Variants in TSNARE1 observed in about 807,000 individuals in gnomAD.
The protein encoded by TSNARE1 is t-SNARE domain-containing protein 1.
TSNARE1 carries 49 observed loss-of-function variants against 62.0 expected under a neutral mutation model. That is an observed-to-expected ratio of 0.79 (90% CI 0.63 to 1.00). The LOEUF (loss-of-function observed/expected upper bound fraction) is 1.00, where lower values mean the gene tolerates loss of function less well. Among genes scored for constraint, TSNARE1 ranks in the 50% least tolerant of loss-of-function variants. TSNARE1 has a pLI of 0.00. For synonymous variants in TSNARE1, 328 were observed against 294.4 expected (o/e 1.11, Z -1.17); for missense variants, 755 against 700.1 (o/e 1.08, Z -0.88).
At chr8:142,311,248 C>T (rs557485474) in intron 9 of TSNARE1, among the ~76,000 whole-genome samples, 200 of 147,304 alleles carry the variant, frequency 1.4e-3, no homozygotes, top group African/African-American at 4.8e-3. Context: ...CTGCAACCTG[C>T]GCCTCCCAGA....
intron 10 of TSNARE1, among the ~76,000 whole-genome samples, chr8:142,288,044 G>A (rs558131133): frequency 4.5e-4 from 68 of 152,382 alleles, no homozygotes; most frequent in African/African-American, 1.6e-3. Flanking sequence ...CATGAGCAGG[G>A]GCAGAGAAAG....
At chr8:142,261,284 A>G in intron 12 of TSNARE1, among the ~76,000 whole-genome samples, 1 of 108,166 alleles carries the variant, frequency 9.2e-6, no homozygotes, top group Non-Finnish European at 1.9e-5. Context: ...GAGAGGATAG[A>G]GGGAGGGAGG....
chr8:142,271,089 A>G (rs1007948161), intron 12 of TSNARE1: 22 of 985,768 alleles, frequency 2.2e-5, no homozygotes, highest in South Asian at 1.4e-4. Context: ...GACCAGCCCT[A>G]TATCTCCTCC....
chr8:142,258,622 C>G (rs1239543703), intron 12 of TSNARE1, among the ~76,000 whole-genome samples: 1 of 152,010 alleles, frequency 6.6e-6, no homozygotes, highest in Admixed American at 6.6e-5. Flanking sequence ...GCTGGGATCA[C>G]GGGCATGTAC....
chr8:142,272,779 A>G, intron 12 of TSNARE1: 13 of 968,868 alleles, frequency 1.3e-5, no homozygotes, highest in Non-Finnish European at 1.6e-5. Flanking sequence ...GCGACTTCAC[A>G]GACACCTGGT....
intron 11 of TSNARE1, among the ~76,000 whole-genome samples, chr8:142,280,791 G>T (rs960206435): frequency 6.6e-6 from 1 of 152,188 alleles, no homozygotes; most frequent in Admixed American, 6.5e-5. Context: ...CTGACAGTGG[G>T]GAGAAGGGGG....
chr8:142,324,510 C>T (rs1829919850), intron 6 of TSNARE1, among the ~76,000 whole-genome samples: 1 of 152,190 alleles, frequency 6.6e-6, no homozygotes, highest in Non-Finnish European at 1.5e-5. Flanking sequence ...CCCTAGTCTG[C>T]CGGGGCCAGA....
intron 11 of TSNARE1, chr8:142,277,585 T>C: frequency 1.0e-6 from 1 of 985,432 alleles, no homozygotes; most frequent in Non-Finnish European, 1.2e-6. Context: ...ACTTCCTGCC[T>C]CTGCGCCCAC....
In TSNARE1 at chr8:142,250,373, G is replaced by C. The variant is rs529658662; in HGVS notation, c.1447-20794C>G. 3.9e-5 allele frequency among the ~76,000 whole-genome samples: 6 copies of C among 152,306 alleles called. No individual in the cohort carries two copies. In the East Asian group the frequency reaches 1.2e-3, roughly 29 times the overall value. On this transcript the variant is annotated intron_variant, in intron 12 of 13. Coordinates refer to ENST00000524325, the MANE Select transcript of TSNARE1 (RefSeq NM_145003.5). ...GAGCTCCTTGGGGTGCGAGGTTGGAGCAGTGGGTGCCAAGGCATAATCCCT... is the reference window on the plus strand; with the variant it reads ...GAGCTCCTTGGGGTGCGAGGTTGGACCAGTGGGTGCCAAGGCATAATCCCT...
chr8:142,287,491 A>G (rs1348972785), intron 10 of TSNARE1, among the ~76,000 whole-genome samples: 57 of 50,666 alleles, frequency 1.1e-3, no homozygotes, highest in Admixed American at 2.8e-3. Context: ...ACAGTGGGCC[A>G]CCCTCCAGGA....
At chr8:142,382,006 C>G (rs898412258) in intron 1 of TSNARE1, among the ~76,000 whole-genome samples, 1 of 152,176 alleles carries the variant, frequency 6.6e-6, no homozygotes, top group African/African-American at 2.4e-5. Context: ...CCTGACACCC[C>G]CCCTACACAC....
intron 11 of TSNARE1, among the ~76,000 whole-genome samples, chr8:142,282,192 C>T (rs1048295945): frequency 2.0e-5 from 3 of 152,326 alleles, no homozygotes; most frequent in East Asian, 1.9e-4. Flanking sequence ...CAGGCCTGCA[C>T]GTTCCCATGC....
chr8:142,278,004 C>T (rs1231780458), intron 11 of TSNARE1: 1 of 985,284 alleles, frequency 1.0e-6, no homozygotes. Context: ...AGAATCTGCC[C>T]TTCAGGAGAC....
intron 12 of TSNARE1, chr8:142,274,326 G>A (rs1820064236): frequency 1.0e-6 from 1 of 985,306 alleles, no homozygotes; most frequent in Non-Finnish European, 1.2e-6. Flanking sequence ...CCTCAAGGTA[G>A]CTCCAAGTCC....
intron 9 of TSNARE1, among the ~76,000 whole-genome samples, chr8:142,305,757 G>A (rs1381029075): frequency 2.0e-5 from 3 of 152,232 alleles, no homozygotes; most frequent in Non-Finnish European, 4.4e-5. Context: ...AAGCGCAGAG[G>A]GGACGGCCCT....
intron 1 of TSNARE1, among the ~76,000 whole-genome samples, chr8:142,400,463 G>T (rs553910992): frequency 1.3e-5 from 2 of 151,782 alleles, no homozygotes; most frequent in Non-Finnish European, 2.9e-5. Flanking sequence ...TAAAAGGGCC[G>T]GGCACGGTGG....
intron 1 of TSNARE1, among the ~76,000 whole-genome samples, chr8:142,373,666 GGA>G (rs1286801967): frequency 1.5e-5 from 2 of 135,148 alleles, no homozygotes; most frequent in Non-Finnish European, 3.1e-5. Flanking sequence ...ACCTGCCACA[GGA>G]GAGAGAAAGT....
chr8:142,231,204 A>G (rs1455363276), intron 12 of TSNARE1, among the ~76,000 whole-genome samples: 1 of 152,228 alleles, frequency 6.6e-6, no homozygotes, highest in Non-Finnish European at 1.5e-5. Flanking sequence ...GAAAATGACC[A>G]ATTGCTGAAA....
At chr8:142,297,887 C>T (rs528316046) in intron 10 of TSNARE1, among the ~76,000 whole-genome samples, 11 of 152,292 alleles carry the variant, frequency 7.2e-5, no homozygotes, top group Non-Finnish European at 1.3e-4. Flanking sequence ...CTTCCAAGAA[C>T]GACTCCCACC....
Sources: allele counts gnomAD v4.1 joint callset (sites outside exome capture counted in the v4.1 genomes callset), GRCh38; gene constraint gnomAD v4.1.1; transcripts MANE v1.5; gene names NCBI Gene and HGNC (gene_info 2026-07-23, HGNC 2026-07-21).